SLC12A2: variants seen among roughly 807,000 people sequenced by gnomAD.
SLC12A2 encodes the protein Na-K-2Cl cotransporter 1.
Under a neutral mutation model 136.3 loss-of-function variants are expected in SLC12A2, and 67 were observed. The ratio of observed to expected loss-of-function variants is 0.49; its 90% CI spans 0.40 to 0.60. SLC12A2 has a LOEUF of 0.60. Among genes scored for constraint, SLC12A2 ranks in the 20% least tolerant of loss-of-function variants. The probability of loss-of-function intolerance (pLI) is 0.00; values close to 1 mark genes in which losing one functional copy is unlikely to be tolerated. For missense variants in SLC12A2, 1,322 were observed against 1,534.7 expected, an observed-to-expected ratio of 0.86 and a Z score of 2.32; for synonymous variants, 619 against 562.9, an observed-to-expected ratio of 1.10 and a Z score of -1.41.
intron 2 of SLC12A2, among the ~76,000 whole-genome samples, chr5:128,113,991 C>G (rs1761252536): frequency 6.6e-6 from 1 of 152,120 alleles, no homozygotes; most frequent in Non-Finnish European, 1.5e-5. Context: ...TTTTCATACA[C>G]ACTTTTATAT....
At chr5:128,154,622 C>T (rs1762816325) in intron 15 of SLC12A2, among the ~76,000 whole-genome samples, 3 of 151,968 alleles carry the variant, frequency 2.0e-5, no homozygotes, top group Non-Finnish European at 4.4e-5. Flanking sequence ...CAGAGTAGTC[C>T]CCTGTTATCC....
chr5:128,167,731 C>G (rs370874152), intron 17 of SLC12A2, 30 bp from the exon 18 acceptor site: 3 of 1,422,648 alleles, frequency 2.1e-6, no homozygotes, highest in African/African-American at 2.9e-5. Context: ...AATAATATAT[C>G]TGTAAAGTTA....
intron 5 of SLC12A2, among the ~76,000 whole-genome samples, chr5:128,132,050 G>A (rs1309787611): frequency 6.6e-6 from 1 of 152,130 alleles, no homozygotes; most frequent in African/African-American, 2.4e-5. Context: ...TATGGTTCAA[G>A]CACAAAAGCA....
chr5:128,141,775 T>A (rs2126712169), intron 9 of SLC12A2, 55 bp from the exon 10 acceptor site: 1 of 1,470,464 alleles, frequency 6.8e-7, no homozygotes, highest in South Asian at 1.3e-5. Flanking sequence ...TATATAAAAT[T>A]CTGAAATGAA....
chr5:128,111,849 G>C (rs558202077), intron 1 of SLC12A2, among the ~76,000 whole-genome samples: 63 of 151,722 alleles, frequency 4.2e-4, no homozygotes, highest in Middle Eastern at 3.4e-3. Flanking sequence ...TATGGAGAGA[G>C]AGAATTCACT....
intron 14 of SLC12A2, among the ~76,000 whole-genome samples, chr5:128,151,610 T>G (rs1045437103): frequency 6.6e-6 from 1 of 152,104 alleles, no homozygotes; most frequent in Non-Finnish European, 1.5e-5. Context: ...TTTGAGATTT[T>G]TTATTCTGGT....
chr5:128,103,280 T>C (rs1180312964), intron 1 of SLC12A2, among the ~76,000 whole-genome samples: 1 of 152,198 alleles, frequency 6.6e-6, no homozygotes, highest in Non-Finnish European at 1.5e-5. Flanking sequence ...CAGTATGGAG[T>C]GGATAATATC....
At chr5:128,147,324 G>C (rs1206546692) in intron 10 of SLC12A2, among the ~76,000 whole-genome samples, 1 of 151,592 alleles carries the variant, frequency 6.6e-6, no homozygotes, top group Non-Finnish European at 1.5e-5. Flanking sequence ...ATATTGTGGG[G>C]AATAGCCCTA....
At chr5:128,105,345 G>T (rs1185351080) in intron 1 of SLC12A2, among the ~76,000 whole-genome samples, 1 of 152,148 alleles carries the variant, frequency 6.6e-6, no homozygotes, top group African/African-American at 2.4e-5. Context: ...CAAGGGAGGG[G>T]GGTATAGGAC....
rs766154694 is a variant in SLC12A2, at chr5:128,182,847, T to G, written c.3213-8T>G. ...CTTGTATCTTAATTCTATTTATTTT[T>G]GTTGTAGGATGGCTACTTTGCTTAG... On this transcript the variant is annotated splice_polypyrimidine_tract_variant and splice_region_variant and intron_variant, in intron 23 of 26. Coordinates refer to ENST00000262461, the MANE Select transcript of SLC12A2 (RefSeq NM_001046.3). The G allele has an allele frequency of 4.4e-6, 7 of 1,594,976 alleles. No homozygotes were observed. In the South Asian group the frequency reaches 6.6e-5, roughly 15 times the overall value.
intron 7 of SLC12A2, 73 bp downstream of exon 7, chr5:128,135,881 A>G: frequency 2.3e-6 from 2 of 854,240 alleles, no homozygotes; most frequent in Non-Finnish European, 3.8e-6. Flanking sequence ...AATTTTGTAC[A>G]TTTCAGATAT....
chr5:128,175,175 A>T (rs1409894659), intron 20 of SLC12A2, among the ~76,000 whole-genome samples: 1 of 152,116 alleles, frequency 6.6e-6, no homozygotes, highest in Admixed American at 6.6e-5. Context: ...CTGCGCTGTG[A>T]ATCATCAAAC....
At position 128,178,601 on chromosome 5, in the gene SLC12A2, T is replaced by C; in HGVS notation, c.3012T>C (p.Ala1004=). The C allele has an allele frequency of 1.2e-6, 2 of 1,600,242 alleles. No individual in the cohort carries two copies. Among genetic ancestry groups the C allele is most frequent in the South Asian group, 1.1e-5 (1 of 88,046 alleles). ...GCCCTATTGTGCCTTTAAATGTAGC[T>C]GACCAAAAGCTTCTTGAAGCTAGTA... ...SKGPIVPLNV[A]DQKLLEASTQ... is the part of the protein sequence containing the mutation. The change falls in exon 22 of 27, where the codon GCT becomes GCC. Residue 1004 remains alanine, a synonymous_variant. Coordinates refer to ENST00000262461, the MANE Select transcript of SLC12A2 (RefSeq NM_001046.3).
At chr5:128,169,759 T>C (rs990999093) in intron 18 of SLC12A2, 45 of 152,128 alleles carry the variant, frequency 3.0e-4, no homozygotes, top group African/African-American at 9.7e-4. Flanking sequence ...TCCTAAAAAA[T>C]AGAAAAAGTG....
Position 128,177,115 on chromosome 5 carries a change from G to A in SLC12A2, c.2940G>A (p.Glu980=), listed in dbSNP as rs746725834. 23 of 1,582,164 alleles carry A rather than the reference G, an allele frequency of 1.5e-5. No individual in the cohort carries two copies. The South Asian group carries it at 2.4e-4, about 16-fold the overall frequency. Residue 980 remains glutamate, a synonymous_variant, in exon 21 of 27, where the codon GAG becomes GAA. Coordinates refer to ENST00000262461, the MANE Select transcript of SLC12A2 (RefSeq NM_001046.3). ...EKPITHKVEE[E]DGKTATQPLL... Reference sequence around the variant, plus strand: ...TTAAACATAATCTAGTTGAGGAAGAGGATGGCAAGACTGCAACTCAACCAC... The same window carrying A: ...TTAAACATAATCTAGTTGAGGAAGAAGATGGCAAGACTGCAACTCAACCAC...
intron 1 of SLC12A2, among the ~76,000 whole-genome samples, chr5:128,093,321 T>A (rs893878473): frequency 2.6e-5 from 4 of 152,070 alleles, no homozygotes; most frequent in African/African-American, 9.7e-5. Flanking sequence ...TTATTTGGAC[T>A]TTTCTCCTTC....
chr5:128,168,050 T>C, intron 18 of SLC12A2, 183 bp downstream of exon 18: 1 of 486,296 alleles, frequency 2.1e-6, no homozygotes. Flanking sequence ...TTATTGATCT[T>C]TATATGTCTC....
intron 9 of SLC12A2, among the ~76,000 whole-genome samples, chr5:128,139,302 T>C (rs1231756174): frequency 6.6e-6 from 1 of 152,090 alleles, no homozygotes; most frequent in Non-Finnish European, 1.5e-5. Flanking sequence ...ATGAAGATTC[T>C]TTCAAGGCTA....
At chr5:128,119,833 A>G (rs1265690387) in intron 4 of SLC12A2, among the ~76,000 whole-genome samples, 2 of 152,192 alleles carry the variant, frequency 1.3e-5, no homozygotes, top group East Asian at 1.9e-4. Context: ...AAAAGCAATG[A>G]CAACAAAAGC....
Sources: gnomAD v4.1 joint callset for allele counts (sites outside exome capture counted in the v4.1 genomes callset) on GRCh38, gnomAD v4.1.1 for gene constraint, MANE v1.5 for transcripts, NCBI Gene and HGNC (gene_info 2026-07-23, HGNC 2026-07-21) for gene names.